Variants in LRRC4C observed in about 807,000 individuals in gnomAD.
LRRC4C encodes leucine rich repeat containing 4C.
A neutral mutation model predicts 33.6 loss-of-function variants in LRRC4C; 5 were observed. The observed-to-expected ratio is 0.15, with a 90% CI of 0.08 to 0.31. The LOEUF (loss-of-function observed/expected upper bound fraction) is 0.31, where lower values mean the gene tolerates loss of function less well. Ranked by LOEUF, LRRC4C falls within the 10% of genes least tolerant of loss-of-function variation. The pLI is 1.00. For synonymous variants in LRRC4C, 329 were observed against 302.0 expected, an observed-to-expected ratio of 1.09 and a Z score of -0.93; for missense variants, 560 against 796.7, an observed-to-expected ratio of 0.70 and a Z score of 3.58.
At chr11:40,841,128 T>C (rs1952893900) in intron 2 of LRRC4C, among the ~76,000 whole-genome samples, 1 of 152,260 alleles carries the variant, frequency 6.6e-6, no homozygotes, top group African/African-American at 2.4e-5. Context: ...ACATTATTAC[T>C]AAGTTTTTAG....
chr11:41,331,855 C>T (rs994946503), intron 1 of LRRC4C, among the ~76,000 whole-genome samples: 3 of 152,176 alleles, frequency 2.0e-5, no homozygotes, highest in Non-Finnish European at 2.9e-5. Flanking sequence ...ATGTACCACA[C>T]GTGCTGATGG....
intron 1 of LRRC4C, among the ~76,000 whole-genome samples, chr11:41,037,431 T>C (rs1199938894): frequency 6.6e-6 from 1 of 152,058 alleles, no homozygotes; most frequent in South Asian, 2.1e-4. Context: ...CCTCAACCTC[T>C]TGGGCTCAAG....
chr11:41,134,289 A>C (rs1943155911), intron 1 of LRRC4C, among the ~76,000 whole-genome samples: 1 of 152,070 alleles, frequency 6.6e-6, no homozygotes, highest in South Asian at 2.1e-4. Context: ...ATTTTTGTAG[A>C]GACAGACTCT....
At chr11:41,029,714 G>A (rs920217398) in intron 1 of LRRC4C, among the ~76,000 whole-genome samples, 33 of 151,736 alleles carry the variant, frequency 2.2e-4, no homozygotes, top group African/African-American at 5.3e-4. Context: ...AAGATAAATC[G>A]CACTTGATCT....
Position 41,009,402 on chromosome 11 carries a change from C to T in LRRC4C, c.-495-75679G>A, listed in dbSNP as rs1029000687. Among the ~76,000 whole-genome samples the T allele has an allele frequency of 5.3e-5, 8 of 151,680 alleles. No homozygotes were observed. In the South Asian group the frequency reaches 6.2e-4, roughly 12 times the overall value. ...TAAATGCTGAAAAGAAGACTGACAG[C>T]GAATGAAGCAAGAATGGATTAGAGA... On this transcript the variant is annotated intron_variant, in intron 1 of 6. Transcript: ENST00000528697.
intron 5 of LRRC4C, among the ~76,000 whole-genome samples, chr11:40,235,577 G>T (rs1299195091): frequency 1.3e-5 from 2 of 152,178 alleles, no homozygotes; most frequent in Non-Finnish European, 2.9e-5. Flanking sequence ...ATACCTAAGT[G>T]TATGGATAAG....
intron 3 of LRRC4C, among the ~76,000 whole-genome samples, chr11:40,503,093 G>A (rs149791210): frequency 3.0e-3 from 462 of 152,148 alleles, no homozygotes; most frequent in Non-Finnish European, 5.1e-3. Flanking sequence ...GACTCGCAGC[G>A]CATGGCTACT....
chr11:40,372,091 C>T lies in LRRC4C; in HGVS notation c.-269-52370G>A, dbSNP rs112754457. 5.8e-3 allele frequency among the ~76,000 whole-genome samples: 888 copies of T among 152,288 alleles called. 2 individuals are homozygous for T. Among genetic ancestry groups the T allele is most frequent in the Non-Finnish European group, 8.6e-3 (583 of 68,030 alleles). On this transcript the variant is annotated intron_variant, in intron 3 of 6. Transcript: ENST00000528697. ...GACAGTTTTGCTGTTCAGGAAACTA[C>T]CAGCCTGGACTAAGTAAAAATATCT...
intron 2 of LRRC4C, among the ~76,000 whole-genome samples, chr11:40,824,787 C>T (rs995976297): frequency 3.3e-5 from 5 of 151,946 alleles, no homozygotes; most frequent in African/African-American, 1.2e-4. Flanking sequence ...GTCATGATTT[C>T]TTGTTAGTGC....
chr11:40,642,328 A>G (rs1489859185), intron 3 of LRRC4C, among the ~76,000 whole-genome samples: 1 of 152,216 alleles, frequency 6.6e-6, no homozygotes, highest in African/African-American at 2.4e-5. Flanking sequence ...AGAAATAGGA[A>G]ATGTGACATA....
intron 5 of LRRC4C, among the ~76,000 whole-genome samples, chr11:40,230,640 A>C (rs890962448): frequency 1.1e-4 from 17 of 152,216 alleles, no homozygotes; most frequent in African/African-American, 4.1e-4. Flanking sequence ...AATTTGAGAT[A>C]TCTATGGAAC....
At chr11:41,433,475 G>C (rs1014712119) in intron 1 of LRRC4C, among the ~76,000 whole-genome samples, 2 of 152,140 alleles carry the variant, frequency 1.3e-5, no homozygotes, top group African/African-American at 4.8e-5. Flanking sequence ...TATTGATCCA[G>C]GGTGTGTCTG....
intron 1 of LRRC4C, among the ~76,000 whole-genome samples, chr11:41,116,981 C>T (rs1448249089): frequency 1.3e-5 from 2 of 152,092 alleles, no homozygotes; most frequent in Non-Finnish European, 2.9e-5. Flanking sequence ...AACGTACTTC[C>T]ACACTTCTTG....
intron 3 of LRRC4C, among the ~76,000 whole-genome samples, chr11:40,591,517 T>G (rs1405698794): frequency 3.3e-5 from 5 of 152,198 alleles, no homozygotes; most frequent in Non-Finnish European, 7.3e-5. Context: ...TTGTTATTTC[T>G]TAGCTCACTT....
chr11:41,056,014 G>A (rs190691402), intron 1 of LRRC4C, among the ~76,000 whole-genome samples: 20 of 152,246 alleles, frequency 1.3e-4, no homozygotes, highest in Admixed American at 1.0e-3. Flanking sequence ...ATTAAGAAGT[G>A]TTAGTTACAT....
chr11:40,892,879 A>G (rs1422892409), intron 2 of LRRC4C, among the ~76,000 whole-genome samples: 5 of 152,214 alleles, frequency 3.3e-5, no homozygotes, highest in Non-Finnish European at 7.3e-5. Context: ...GTTACACAAT[A>G]TTATAATGTA....
chr11:41,005,466 T>C (rs1338004096), intron 1 of LRRC4C, among the ~76,000 whole-genome samples: 2 of 152,016 alleles, frequency 1.3e-5, no homozygotes, highest in Admixed American at 1.3e-4. Context: ...TAGCCGGGCG[T>C]GGTGGCACAT....
At position 40,731,391 on chromosome 11, in the gene LRRC4C, T is replaced by C. The variant is rs139161564; in HGVS notation, c.-406-83113A>G. Among the ~76,000 whole-genome samples the C allele has an allele frequency of 3.8e-3, 575 of 152,246 alleles. 3 individuals carry two copies. Among genetic ancestry groups the C allele is most frequent in the Non-Finnish European group, 6.4e-3 (436 of 68,010 alleles). On this transcript the variant is annotated intron_variant, in intron 2 of 6. Coordinates refer to ENST00000528697, the MANE Select transcript of LRRC4C (RefSeq NM_001258419.2). ...CCGCCCCTTGCTCCTGCTCTGGCCA[T>C]GTGACATGACTGCTCCTGCTTTACC...
At chr11:40,894,081 C>T (rs1450430951) in intron 2 of LRRC4C, among the ~76,000 whole-genome samples, 1 of 152,084 alleles carries the variant, frequency 6.6e-6, no homozygotes, top group Admixed American at 6.6e-5. Flanking sequence ...TAATTGAATT[C>T]TTAGATGCTT....
Sources: gnomAD v4.1 joint callset for allele counts (sites outside exome capture counted in the v4.1 genomes callset) on GRCh38, gnomAD v4.1.1 for gene constraint, MANE v1.5 for transcripts, NCBI Gene and HGNC (gene_info 2026-07-23, HGNC 2026-07-21) for gene names.